MOB1B: variants seen among roughly 807,000 people sequenced by gnomAD.
MOB1B encodes MOB kinase activator 1B.
Under a neutral mutation model 24.4 loss-of-function variants are expected in MOB1B, and 19 were observed. The ratio of observed to expected loss-of-function variants is 0.78; its 90% CI spans 0.54 to 1.14. MOB1B has a LOEUF of 1.14. Ranked by LOEUF, MOB1B falls within the 50% of genes most tolerant of loss-of-function variation. The pLI is 0.00. For missense variants in MOB1B, 243 were observed against 259.6 expected (o/e 0.94, Z 0.44); for synonymous variants, 76 against 82.1 (o/e 0.93, Z 0.40).
chr4:70,905,300 A>G (rs149788497), intron 1 of MOB1B, among the ~76,000 whole-genome samples: 83 of 151,554 alleles, frequency 5.5e-4, no homozygotes, highest in Middle Eastern at 3.4e-3. Flanking sequence ...GTGCAGTGGC[A>G]TGACCACAGC....
In MOB1B at chr4:70,905,046, T is replaced by G. The variant is rs78824249; in HGVS notation, c.14+2496T>G. Among the ~76,000 whole-genome samples the G allele has an allele frequency of 4.1e-3, 628 of 152,328 alleles. 20 individuals are homozygous for G. Among genetic ancestry groups the G allele is most frequent in the Admixed American group, 0.033 (497 of 15,290 alleles). On this transcript the variant is annotated intron_variant, in intron 1 of 5. Coordinates refer to ENST00000309395, the MANE Select transcript of MOB1B (RefSeq NM_173468.4). ...GGTTATATCTATCTAGCAGTTGATATATTCTCAACATATTTAGCCCATGTG... is the reference window on the plus strand; with the variant it reads ...GGTTATATCTATCTAGCAGTTGATAGATTCTCAACATATTTAGCCCATGTG...
rs1362375367 is a variant in MOB1B at position 70,986,653 on chromosome 4, A to G, written c.*4596A>G. 2.0e-5 allele frequency: 3 copies of G among 152,184 alleles called. No individual in the cohort carries two copies. The allele number at this position is 152,184 out of a possible 1,614,324, so 9.4% of individuals were successfully genotyped here. A position where few individuals can be genotyped will look rare whatever the true frequency, so the allele number is the denominator to read the frequency against. Reference sequence around the variant, plus strand: ...ACACTTTAAGGACTACTCTTAAATAACTTAAATATCAGAGTTTTGTTGTAA... The same window carrying G: ...ACACTTTAAGGACTACTCTTAAATAGCTTAAATATCAGAGTTTTGTTGTAA... On this transcript the variant is annotated 3_prime_UTR_variant, in exon 6 of 6. Transcript: ENST00000309395.
At chr4:70,972,689 A>G (rs1158909797) in intron 3 of MOB1B, among the ~76,000 whole-genome samples, 1 of 152,250 alleles carries the variant, frequency 6.6e-6, no homozygotes, top group Non-Finnish European at 1.5e-5. Context: ...CATTCTAAGT[A>G]TAAACACGAT....
At chr4:70,952,935 C>A (rs1301143158) in intron 1 of MOB1B, among the ~76,000 whole-genome samples, 1 of 72,308 alleles carries the variant, frequency 1.4e-5, no homozygotes, top group African/African-American at 5.1e-5. Flanking sequence ...GTCATTTGGT[C>A]TTTTTTTTTT....
At position 70,942,177 on chromosome 4, in the gene MOB1B, C is replaced by G. The variant is rs1332005092; in HGVS notation, c.15-16697C>G. Among the ~76,000 whole-genome samples, 4 of 152,190 alleles carry G rather than the reference C, an allele frequency of 2.6e-5. No homozygotes were observed. The East Asian group carries it at 5.8e-4, about 22-fold the overall frequency. ...CGAAAAATCCTAAGAAGCAAACACT[C>G]AAATCAGCTGCATTTGAAGTTAGAT... On this transcript the variant is annotated intron_variant, in intron 1 of 5. Transcript: ENST00000309395.
chr4:70,949,506 T>C (rs1737717017), intron 1 of MOB1B, among the ~76,000 whole-genome samples: 1 of 152,178 alleles, frequency 6.6e-6, no homozygotes, highest in Non-Finnish European at 1.5e-5. Context: ...AATGGCAACA[T>C]TTGGGGGAAA....
chr4:70,904,486 C>T (rs566259494), intron 1 of MOB1B, among the ~76,000 whole-genome samples: 65 of 151,896 alleles, frequency 4.3e-4, no homozygotes, highest in Non-Finnish European at 1.3e-4. Context: ...CAAGGCCAGT[C>T]GCGGTGGCTC....
At chr4:70,943,614 A>G (rs978714434) in intron 1 of MOB1B, among the ~76,000 whole-genome samples, 3 of 152,238 alleles carry the variant, frequency 2.0e-5, no homozygotes, top group African/African-American at 7.2e-5. Context: ...AAAATACCCA[A>G]GTGAATAAGA....
chr4:70,951,109 A>G (rs989526492), intron 1 of MOB1B, among the ~76,000 whole-genome samples: 7 of 152,214 alleles, frequency 4.6e-5, no homozygotes, highest in Non-Finnish European at 8.8e-5. Context: ...ATAAATTTAC[A>G]TATTCTTCAG....
intron 4 of MOB1B, 91 bp from the exon 5 acceptor site, chr4:70,979,037 G>T (rs1161453418): frequency 1.8e-5 from 18 of 1,021,202 alleles, no homozygotes; most frequent in Non-Finnish European, 2.7e-5. Flanking sequence ...TTTCAGCCTT[G>T]TCTTGGTAAT....
intron 4 of MOB1B, 105 bp downstream of exon 4, chr4:70,975,391 G>T (rs183713258): frequency 2.8e-5 from 42 of 1,519,632 alleles, no homozygotes; most frequent in Non-Finnish European, 1.5e-5. Flanking sequence ...GTTCTTTATG[G>T]CTGTGTTGAT....
At chr4:70,937,355 C>T (rs1180453913) in intron 1 of MOB1B, among the ~76,000 whole-genome samples, 1 of 151,704 alleles carries the variant, frequency 6.6e-6, no homozygotes, top group East Asian at 1.9e-4. Context: ...GATCTATTTT[C>T]ATGCACTGTT....
chr4:70,904,016 C>G (rs1487870884), intron 1 of MOB1B, among the ~76,000 whole-genome samples: 1 of 135,752 alleles, frequency 7.4e-6, no homozygotes, highest in Non-Finnish European at 1.5e-5. Context: ...AGTCTCCGCT[C>G]TGTCACCAGG....
At chr4:70,966,086 C>T (rs1429196878) in intron 2 of MOB1B, among the ~76,000 whole-genome samples, 1 of 152,052 alleles carries the variant, frequency 6.6e-6, no homozygotes, top group Non-Finnish European at 1.5e-5. Flanking sequence ...ATGAGTTCTA[C>T]ATGAACATTA....
chr4:70,980,556 G>C (rs796600930), intron 5 of MOB1B, among the ~76,000 whole-genome samples: 14 of 152,124 alleles, frequency 9.2e-5, no homozygotes, highest in Admixed American at 9.2e-4. Context: ...GTTTGATTAA[G>C]TAAGGGGGGC....
chr4:70,967,622 A>G (rs1015721541), intron 2 of MOB1B, among the ~76,000 whole-genome samples: 2 of 152,202 alleles, frequency 1.3e-5, no homozygotes, highest in African/African-American at 4.8e-5. Context: ...TTACTAATAG[A>G]TGAGTTTAAT....
chr4:70,904,749 ACT>A (rs1735670071), intron 1 of MOB1B, among the ~76,000 whole-genome samples: 1 of 143,278 alleles, frequency 7.0e-6, no homozygotes, highest in Admixed American at 7.2e-5. Flanking sequence ...GCAGAGTGAG[ACT>A]CTGTCTCAAA....
intron 3 of MOB1B, 37 bp downstream of exon 3, chr4:70,970,061 A>C: frequency 8.1e-7 from 1 of 1,231,216 alleles, no homozygotes; most frequent in Non-Finnish European, 1.2e-6. Context: ...TTATTTTTAC[A>C]TTATTTTACG....
intron 1 of MOB1B, among the ~76,000 whole-genome samples, chr4:70,947,339 A>G (rs567031881): frequency 6.6e-6 from 1 of 152,004 alleles, no homozygotes; most frequent in African/African-American, 2.4e-5. Flanking sequence ...GCATGATCAC[A>G]GCCTACTACA....
Sources: allele counts gnomAD v4.1 joint callset (sites outside exome capture counted in the v4.1 genomes callset), GRCh38; gene constraint gnomAD v4.1.1; transcripts MANE v1.5; gene names NCBI Gene and HGNC (gene_info 2026-07-23, HGNC 2026-07-21).